The following ARL6 variants were observed in gnomAD, a reference collection of about 807,000 sequenced individuals.
The protein encoded by ARL6 is ARF like GTPase 6, also known as ADP-ribosylation factor-like protein 6.
In ARL6, 18 loss-of-function variants were observed where a neutral mutation model predicts 27.1. The ratio of observed to expected loss-of-function variants is 0.66; its 90% CI spans 0.46 to 0.98. The LOEUF (loss-of-function observed/expected upper bound fraction) is 0.98. ARL6 is among the 50% of genes least tolerant of loss of function. The probability of loss-of-function intolerance (pLI) is 0.00; values close to 1 mark genes in which losing one functional copy is unlikely to be tolerated. For missense variants in ARL6, 187 were observed against 214.9 expected (o/e 0.87, Z 0.81); for synonymous variants, 65 against 72.3 (o/e 0.90, Z 0.51).
At chr3:97,794,714 A>G (rs1423629739) in intron 7 of ARL6, among the ~76,000 whole-genome samples, 1 of 152,216 alleles carries the variant, frequency 6.6e-6, no homozygotes, top group African/African-American at 2.4e-5. Flanking sequence ...TTTTGCTTCC[A>G]GAATTCTGGA....
At position 97,798,278 on chromosome 3, in the gene ARL6, T is replaced by A; in HGVS notation, c.*229T>A. ...AGGGCTCCCTAGAATTATCAAGTTC[T>A]TAGTGAAGGTCTACATTTGATTGTA... is the stretch of plus-strand genomic sequence containing the variant. On this transcript the variant is annotated 3_prime_UTR_variant, in exon 8 of 8. Transcript: ENST00000463745. 2.0e-6 allele frequency: 1 copy of A among 493,942 alleles called. No individual in the cohort carries two copies. The highest frequency in any genetic ancestry group is 3.7e-6 in the Non-Finnish European group (1 of 272,176). 30.6% of individuals were successfully genotyped at this position (493,942 alleles called of 1,614,324 possible).
At chr3:97,789,691 C>T (rs949995002) in intron 6 of ARL6, among the ~76,000 whole-genome samples, 12 of 152,022 alleles carry the variant, frequency 7.9e-5, no homozygotes, top group African/African-American at 2.9e-4. Context: ...CAAATTGGAC[C>T]TCTTCTCACT....
Position 97,800,115 on chromosome 3 carries a change from C to G in ARL6, c.*2066C>G, listed in dbSNP as rs2038185793. 1 of 151,920 alleles carries G rather than the reference C, an allele frequency of 6.6e-6. No individual in the cohort carries two copies. The highest frequency in any genetic ancestry group is 6.6e-5 in the Admixed American group (1 of 15,256). 9.4% of individuals were successfully genotyped at this position (151,920 alleles called of 1,614,324 possible). On this transcript the variant is annotated 3_prime_UTR_variant, in exon 8 of 8. Transcript: ENST00000463745. ...TTTTGACATTAAATTATTTGGTATTCCACAAACTACAGTAGCTCATACCTA... is the reference window on the plus strand; with the variant it reads ...TTTTGACATTAAATTATTTGGTATTGCACAAACTACAGTAGCTCATACCTA...
intron 6 of ARL6, among the ~76,000 whole-genome samples, chr3:97,788,640 A>G (rs955802603): frequency 3.9e-5 from 6 of 152,056 alleles, no homozygotes; most frequent in Admixed American, 3.9e-4. Flanking sequence ...AGTGCCTGGT[A>G]TGTAATAGGT....
At chr3:97,797,980 T>C in intron 7 of ARL6, 44 bp from the exon 8 acceptor site, 1 of 1,576,082 alleles carries the variant, frequency 6.3e-7, no homozygotes, top group South Asian at 1.1e-5. Context: ...AAATAGATTT[T>C]GCCCTATAGA....
chr3:97,798,236 CTAAA>C lies in ARL6; in HGVS notation c.*190_*193del, dbSNP rs2038094597. On this transcript the variant is annotated 3_prime_UTR_variant, in exon 8 of 8. Coordinates refer to ENST00000463745, the MANE Select transcript of ARL6 (RefSeq NM_001278293.3). ...AATTTGGCCATTAATTATTTAAAAA[CTAAA>C]TATTCCCTCAAAAGGGCTCCCTAGA... The C allele has an allele frequency of 3.4e-6, 2 of 593,124 alleles. No individual in the cohort carries two copies. The highest frequency in any genetic ancestry group is 3.7e-5 in the African/African-American group (2 of 53,608). The allele number at this position is 593,124 out of a possible 1,614,324, so 36.7% of individuals were successfully genotyped here. A position where few individuals can be genotyped will look rare whatever the true frequency, so the allele number is the denominator to read the frequency against.
chr3:97,787,883 G>A, intron 5 of ARL6, 107 bp from the exon 6 acceptor site: 1 of 1,133,898 alleles, frequency 8.8e-7, no homozygotes, highest in Non-Finnish European at 1.3e-6. Flanking sequence ...TGTGTGATAT[G>A]AAAAAAGATA....
chr3:97,785,105 G>C, intron 5 of ARL6, 56 bp downstream of exon 5: 2 of 1,429,798 alleles, frequency 1.4e-6, no homozygotes, highest in Non-Finnish European at 2.0e-6. Flanking sequence ...TATGTGTAAT[G>C]TTTTGTTCTT....
At chr3:97,787,876 GTGATATGAAAAAAGATAAT>G in intron 5 of ARL6, 95 bp from the exon 6 acceptor site, 1 of 1,006,876 alleles carries the variant, frequency 9.9e-7, no homozygotes, top group Non-Finnish European at 1.5e-6. Context: ...TTCTGTGTGT[GTGATATGAAAAAAGATAAT>G]TGAAAAAAAA....
At chr3:97,797,172 T>C (rs1017829721) in intron 7 of ARL6, among the ~76,000 whole-genome samples, 1 of 152,126 alleles carries the variant, frequency 6.6e-6, no homozygotes, top group African/African-American at 2.4e-5. Context: ...TGAGTATAGA[T>C]TCTAGAGTTT....
chr3:97,776,662 A>ATT lies in ARL6; in HGVS notation c.124-3486_124-3485dup, dbSNP rs35144481. 4.7e-4 allele frequency among the ~76,000 whole-genome samples: 69 copies of ATT among 147,904 alleles called. 1 individual carries two copies. Among genetic ancestry groups the ATT allele is most frequent in the East Asian group, 2.2e-3 (11 of 5,092 alleles). On this transcript the variant is annotated intron_variant, in intron 2 of 7. Coordinates refer to ENST00000463745, the MANE Select transcript of ARL6 (RefSeq NM_001278293.3). ...CCTTATTCTTTTTGTTTATTTATTT[A>ATT]TTTTTTTTTTTTGAGACAGGGTCTG...
rs587777805 is a variant in ARL6 at position 97,784,966 on chromosome 3, C to T, written c.266C>T (p.Ala89Val). 1.2e-6 allele frequency: 2 copies of T among 1,611,308 alleles called. No homozygotes were observed. The highest frequency in any genetic ancestry group is 1.7e-6 in the Non-Finnish European group (2 of 1,177,950). Residue 89 changes from alanine to valine, a missense_variant, in exon 5 of 8, where the codon GCT (alanine) becomes GTT (valine). Ala to Val is a moderately conservative substitution (Grantham distance 64). Coordinates refer to ENST00000463745, the MANE Select transcript of ARL6 (RefSeq NM_001278293.3). ...TTTACATTACACAGAGAAGGCCAAG[C>T]TATTATTTTTGTCATTGATAGTAGT... ...LWEHYYKEGQ[A>V]IIFVIDSSDR...
chr3:97,781,974 T>A (rs1312141953), intron 4 of ARL6, among the ~76,000 whole-genome samples: 1 of 152,058 alleles, frequency 6.6e-6, no homozygotes, highest in Non-Finnish European at 1.5e-5. Context: ...AGGAAATTTA[T>A]TCAAATTTTT....
In ARL6 at chr3:97,776,386, A is replaced by G. The variant is rs79267857; in HGVS notation, c.124-3773A>G. ...GTTGGGTCTTATTTTTTTTTAATCC[A>G]TTCAGCCACTCTGTGTCTTCTAATT... On this transcript the variant is annotated intron_variant, in intron 2 of 7. Coordinates refer to ENST00000463745, the MANE Select transcript of ARL6 (RefSeq NM_001278293.3). Among the ~76,000 whole-genome samples the G allele has an allele frequency of 1.5e-3, 230 of 152,114 alleles. 1 individual carries two copies. Among genetic ancestry groups the G allele is most frequent in the African/African-American group, 4.7e-3 (196 of 41,502 alleles).
At chr3:97,796,784 C>T (rs1364648526) in intron 7 of ARL6, among the ~76,000 whole-genome samples, 1 of 152,016 alleles carries the variant, frequency 6.6e-6, no homozygotes, top group Non-Finnish European at 1.5e-5. Context: ...ACAGCAACAA[C>T]TTGGAAGCTG....
chr3:97,792,284 G>A (rs1400561058), intron 7 of ARL6, among the ~76,000 whole-genome samples: 2 of 152,118 alleles, frequency 1.3e-5, no homozygotes, highest in African/African-American at 4.8e-5. Context: ...ATGAGGTCAG[G>A]AGATCGAGGC....
At chr3:97,771,218 A>G (rs12631917) in intron 2 of ARL6, among the ~76,000 whole-genome samples, 67,062 of 151,578 alleles carry the variant, frequency 0.44, 16,057 homozygotes, top group East Asian at 0.66. Context: ...TATAGTTTTA[A>G]TTGTAGAGAT....
intron 6 of ARL6, among the ~76,000 whole-genome samples, chr3:97,790,067 GTGTGTGTGTGTGTGTGTGTGTGTGCATGT>G (rs2037656168): frequency 6.6e-6 from 1 of 151,432 alleles, no homozygotes; most frequent in Admixed American, 6.6e-5. Flanking sequence ...GTGTGTGTGT[GTGTGTGTGTGTGTGTGTGTGTGTGCATGT>G]TGTGTGTATG....
At chr3:97,772,574 TC>T (rs1303603342) in intron 2 of ARL6, among the ~76,000 whole-genome samples, 2 of 151,944 alleles carry the variant, frequency 1.3e-5, no homozygotes, top group African/African-American at 4.8e-5. Context: ...TTCTTCCTTT[TC>T]TGGTTGTTCG....
Sources: gnomAD v4.1 joint callset for allele counts (sites outside exome capture counted in the v4.1 genomes callset) on GRCh38, gnomAD v4.1.1 for gene constraint, MANE v1.5 for transcripts, NCBI Gene and HGNC (gene_info 2026-07-23, HGNC 2026-07-21) for gene names.